The following THSD4 variants were observed in gnomAD, a reference collection of about 807,000 sequenced individuals.
The protein encoded by THSD4 is thrombospondin type 1 domain containing 4.
THSD4 carries 69 observed loss-of-function variants against 119.0 expected under a neutral mutation model. That is an observed-to-expected ratio of 0.58 (90% CI 0.48 to 0.71). THSD4 has a LOEUF of 0.71. THSD4 is among the 30% of genes least tolerant of loss of function. The pLI, the probability that THSD4 is intolerant of heterozygous loss-of-function variation, is 0.00. For missense variants in THSD4, 1,393 were observed against 1,391.1 expected, an observed-to-expected ratio of 1.00 and a Z score of -0.02; for synonymous variants, 524 against 540.4, an observed-to-expected ratio of 0.97 and a Z score of 0.42.
intron 8 of THSD4, among the ~76,000 whole-genome samples, chr15:71,682,662 T>C (rs1199460895): frequency 6.6e-6 from 1 of 151,904 alleles, no homozygotes; most frequent in Admixed American, 6.6e-5. Flanking sequence ...GTTTAGCCAA[T>C]TTTACAAACC....
intron 7 of THSD4, among the ~76,000 whole-genome samples, chr15:71,508,937 A>ATTT (rs56074729): frequency 0.22 from 31,737 of 143,880 alleles, 3,963 homozygotes; most frequent in Middle Eastern, 0.35. Flanking sequence ...AAAAGGATGG[A>ATTT]TTTTTTTTTT....
At chr15:71,201,153 C>T (rs2043800550) in intron 3 of THSD4, among the ~76,000 whole-genome samples, 1 of 151,734 alleles carries the variant, frequency 6.6e-6, no homozygotes, top group Admixed American at 6.6e-5. Flanking sequence ...GGCCCAATGA[C>T]CAACACTCCC....
At chr15:71,704,353 G>A (rs1032321809) in intron 8 of THSD4, among the ~76,000 whole-genome samples, 4 of 152,290 alleles carry the variant, frequency 2.6e-5, no homozygotes, top group African/African-American at 9.6e-5. Context: ...GGGTCCGGGT[G>A]GGAGGTAATT....
At chr15:71,158,222 C>T (rs537947587) in intron 3 of THSD4, among the ~76,000 whole-genome samples, 1 of 141,656 alleles carries the variant, frequency 7.1e-6, no homozygotes, top group Non-Finnish European at 1.5e-5. Context: ...GGCGCGATCT[C>T]AGCTCACTGC....
chr15:71,747,819 A>G (rs1273987302), intron 13 of THSD4, among the ~76,000 whole-genome samples: 2 of 152,254 alleles, frequency 1.3e-5, no homozygotes, highest in Admixed American at 6.5e-5. Context: ...AGAATTCACA[A>G]TAAGATTTGA....
intron 16 of THSD4, chr15:71,767,222 A>G (rs1474322551): frequency 1.3e-5 from 2 of 152,224 alleles, no homozygotes; most frequent in African/African-American, 4.8e-5. Context: ...TGTTTTACAA[A>G]TTTGAGTTTG....
chr15:71,386,658 A>G (rs1011783062), intron 6 of THSD4, among the ~76,000 whole-genome samples: 1 of 152,214 alleles, frequency 6.6e-6, no homozygotes, highest in Admixed American at 6.5e-5. Flanking sequence ...GTGAAAGAGA[A>G]GTTTGACAGG....
At chr15:71,489,510 A>G (rs949702968) in intron 7 of THSD4, among the ~76,000 whole-genome samples, 1 of 152,168 alleles carries the variant, frequency 6.6e-6, no homozygotes, top group Non-Finnish European at 1.5e-5. Context: ...GGCGATGGAT[A>G]TGCCTTAGTC....
chr15:71,360,231 A>C (rs2045875032), intron 6 of THSD4, among the ~76,000 whole-genome samples: 1 of 152,144 alleles, frequency 6.6e-6, no homozygotes, highest in African/African-American at 2.4e-5. Flanking sequence ...GTCTTAGAGT[A>C]GTCAAATTTC....
chr15:71,146,148 A>G lies in THSD4; in HGVS notation c.29+4592A>G, dbSNP rs181120310. The stretch of plus-strand genomic sequence containing the variant: ...TAGGGTGAAGCATGGAAATCAAACA[A>G]ATAACACACACACACACCTTCAACA... On this transcript the variant is annotated intron_variant, in intron 2 of 17. Coordinates refer to ENST00000261862, the MANE Select transcript of THSD4 (RefSeq NM_024817.3). 2.9e-3 allele frequency among the ~76,000 whole-genome samples: 437 copies of G among 152,360 alleles called. 4 individuals are homozygous for G. The highest frequency in any genetic ancestry group is 0.01 in the African/African-American group (421 of 41,598).
intron 7 of THSD4, among the ~76,000 whole-genome samples, chr15:71,592,486 A>G (rs2049825640): frequency 1.3e-5 from 2 of 152,022 alleles, no homozygotes; most frequent in South Asian, 4.2e-4. Context: ...TTCAGAACAC[A>G]TTTTCCCACA....
chr15:71,202,314 G>A lies in THSD4; in HGVS notation c.100-12721G>A, dbSNP rs138899499. ...ACTGCTCTTTGTGGCCTTGAAAGTC[G>A]TTGTTTAGGGTGGTCATCTCTTGGC... On this transcript the variant is annotated intron_variant, in intron 3 of 17. Transcript: ENST00000261862. Among the ~76,000 whole-genome samples the A allele has an allele frequency of 4.5e-3, 678 of 152,240 alleles. 11 individuals carry two copies. The highest frequency in any genetic ancestry group is 0.015 in the East Asian group (79 of 5,176).
chr15:71,219,772 C>T (rs772115050), intron 4 of THSD4, among the ~76,000 whole-genome samples: 13 of 152,060 alleles, frequency 8.5e-5, no homozygotes, highest in South Asian at 2.1e-4. Flanking sequence ...ACAATGAAAC[C>T]GAGGCTGGGA....
chr15:71,495,751 C>T (rs555232711), intron 7 of THSD4, among the ~76,000 whole-genome samples: 23 of 152,284 alleles, frequency 1.5e-4, no homozygotes, highest in African/African-American at 5.5e-4. Context: ...CGCTTAATCC[C>T]AGGTAAAAAC....
At position 71,196,869 on chromosome 15, in the gene THSD4, G is replaced by A. The variant is rs535132102; in HGVS notation, c.100-18166G>A. On this transcript the variant is annotated intron_variant, in intron 3 of 17. Transcript: ENST00000261862. ...GGAGGAAGATGGCATCATGGTATGC[G>A]TGGCAGAAACCAGTGGAGGAGTTGG... 3.3e-5 allele frequency among the ~76,000 whole-genome samples: 5 copies of A among 152,284 alleles called. No individual in the cohort carries two copies. The East Asian group carries it at 5.8e-4, about 18-fold the overall frequency.
In THSD4 at chr15:71,782,089, C is replaced by A. The variant is rs1256485436; in HGVS notation, c.*4715C>A. 6.6e-6 allele frequency: 1 copy of A among 152,226 alleles called. No homozygotes were observed. The highest frequency in any genetic ancestry group is 3.1e-3 in the Middle Eastern group (1 of 320). 9.4% of individuals were successfully genotyped at this position (152,226 alleles called of 1,614,324 possible). On this transcript the variant is annotated 3_prime_UTR_variant, in exon 18 of 18. Coordinates refer to ENST00000261862, the MANE Select transcript of THSD4 (RefSeq NM_024817.3). ...GGATGGGGGGCTGCCTGCCCAGGGT[C>A]TCTCACCGTGGTGTAAGCAGAGCCA...
At chr15:71,191,607 A>G (rs1038918222) in intron 3 of THSD4, among the ~76,000 whole-genome samples, 3 of 152,172 alleles carry the variant, frequency 2.0e-5, no homozygotes, top group Admixed American at 6.5e-5. Context: ...AGCCTTTGAG[A>G]TGGATAGGAA....
chr15:71,576,980 A>G (rs2140908108), intron 7 of THSD4, among the ~76,000 whole-genome samples: 1 of 152,214 alleles, frequency 6.6e-6, no homozygotes, highest in South Asian at 2.1e-4. Flanking sequence ...ATATACAATT[A>G]CTTTTTAAAT....
At chr15:71,105,568 G>T (rs2040270704) in intron 1 of THSD4, among the ~76,000 whole-genome samples, 1 of 152,206 alleles carries the variant, frequency 6.6e-6, no homozygotes, top group African/African-American at 2.4e-5. Flanking sequence ...ACTCAGGTGT[G>T]CTCCAAAGAG....
Sources: gnomAD v4.1 joint callset for allele counts (sites outside exome capture counted in the v4.1 genomes callset) on GRCh38, gnomAD v4.1.1 for gene constraint, MANE v1.5 for transcripts, NCBI Gene and HGNC (gene_info 2026-07-23, HGNC 2026-07-21) for gene names.